EXOC4: variants seen among roughly 807,000 people sequenced by gnomAD.
EXOC4 encodes the protein exocyst complex component 4.
Under a neutral mutation model 107.2 loss-of-function variants are expected in EXOC4, and 71 were observed. The ratio of observed to expected loss-of-function variants is 0.66; its 90% CI spans 0.55 to 0.81. The LOEUF (loss-of-function observed/expected upper bound fraction) is 0.81, where lower values mean the gene tolerates loss of function less well. Ranked by LOEUF, EXOC4 falls within the 30% of genes least tolerant of loss-of-function variation. The probability of loss-of-function intolerance (pLI) is 0.00; values close to 1 mark genes in which losing one functional copy is unlikely to be tolerated. For missense variants in EXOC4, 1,108 were observed against 1,189.6 expected (o/e 0.93, Z 1.01); for synonymous variants, 456 against 441.2 (o/e 1.03, Z -0.42).
intron 5 of EXOC4, among the ~76,000 whole-genome samples, chr7:133,350,353 G>A (rs977507239): frequency 6.6e-6 from 1 of 151,974 alleles, no homozygotes; most frequent in Non-Finnish European, 1.5e-5. Flanking sequence ...TTTTGTATAT[G>A]GTGTTAGATA....
At chr7:133,341,283 G>A (rs957177986) in intron 5 of EXOC4, among the ~76,000 whole-genome samples, 1 of 152,102 alleles carries the variant, frequency 6.6e-6, no homozygotes, top group African/African-American at 2.4e-5. Context: ...TGATTTCCTT[G>A]TTGATGCAAA....
At chr7:133,789,124 T>G (rs1796650943) in intron 10 of EXOC4, among the ~76,000 whole-genome samples, 1 of 152,130 alleles carries the variant, frequency 6.6e-6, no homozygotes, top group South Asian at 2.1e-4. Flanking sequence ...CAGGGTAGAT[T>G]ATGGCACTTC....
chr7:133,375,105 C>A, intron 7 of EXOC4, 103 bp downstream of exon 7: 1 of 869,202 alleles, frequency 1.2e-6, no homozygotes, highest in Non-Finnish European at 1.7e-6. Context: ...TCTTAAGAGT[C>A]ATAAACAGGG....
At chr7:134,075,176 A>G in the EXOC4 span, among the ~76,000 whole-genome samples, 10 of 152,352 alleles carry the variant, frequency 6.6e-5, no homozygotes, top group Admixed American at 4.6e-4. Flanking sequence ...CAGCAGATAC[A>G]TGGGATCTTT....
intron 13 of EXOC4, among the ~76,000 whole-genome samples, chr7:133,929,427 T>TA (rs1800125939): frequency 1.3e-5 from 2 of 152,112 alleles, no homozygotes; most frequent in South Asian, 4.1e-4. Flanking sequence ...ACTGCTCTGA[T>TA]AGTTACCTAC....
chr7:133,720,929 A>T (rs1287848134), intron 10 of EXOC4, among the ~76,000 whole-genome samples: 2 of 152,174 alleles, frequency 1.3e-5, no homozygotes, highest in African/African-American at 4.8e-5. Context: ...AGGTTATAAT[A>T]TAGGAGCCTT....
chr7:133,979,142 T>A (rs1793911398), intron 14 of EXOC4, among the ~76,000 whole-genome samples: 1 of 152,220 alleles, frequency 6.6e-6, no homozygotes, highest in Non-Finnish European at 1.5e-5. Flanking sequence ...TTTGTCAGTG[T>A]TTTTATGTAT....
Position 133,728,343 on chromosome 7 carries a change from G to T in EXOC4, c.1515-88982G>T, listed in dbSNP as rs183550289. On this transcript the variant is annotated intron_variant, in intron 10 of 17. Transcript: ENST00000253861. Reference sequence around the variant, plus strand: ...GAAAGGATTATTTCTGTGACACTATGTACTGGGGAAATTTTTATTGAGACT... The same window carrying T: ...GAAAGGATTATTTCTGTGACACTATTTACTGGGGAAATTTTTATTGAGACT... 1.5e-4 allele frequency among the ~76,000 whole-genome samples: 23 copies of T among 152,272 alleles called. No homozygotes were observed. The East Asian group carries it at 4.2e-3, about 28-fold the overall frequency.
chr7:133,997,526 G>A lies in EXOC4; in HGVS notation c.2241G>A (p.Thr747=), dbSNP rs376626552. ...LSPAQDSHTN[T]DLPPVSEQIM... Reference sequence around the variant, plus strand: ...CTGCTCAAGACAGCCACACGAACACGGATCTCCCCCCAGTGTCAGAGCAGA... The same window carrying A: ...CTGCTCAAGACAGCCACACGAACACAGATCTCCCCCCAGTGTCAGAGCAGA... Residue 747 remains threonine (T), a synonymous_variant, in exon 15 of 18, where the codon ACG becomes ACA. Transcript: ENST00000253861. The A allele has an allele frequency of 1.1e-5, 18 of 1,613,648 alleles. No homozygotes were observed. Among genetic ancestry groups the A allele is most frequent in the East Asian group, 2.2e-5 (1 of 44,852 alleles).
intron 11 of EXOC4, among the ~76,000 whole-genome samples, chr7:133,874,130 T>C (rs1428781192): frequency 3.9e-5 from 6 of 152,146 alleles, no homozygotes; most frequent in Admixed American, 2.0e-4. Context: ...GCTGGAGATA[T>C]CACCATGGTT....
intron 10 of EXOC4, among the ~76,000 whole-genome samples, chr7:133,772,667 C>T (rs1360549837): frequency 6.6e-6 from 1 of 152,042 alleles, no homozygotes; most frequent in Non-Finnish European, 1.5e-5. Flanking sequence ...GAGGTAGAAA[C>T]CATGTTGAAA....
chr7:134,058,342 G>A (rs974786865), intron 17 of EXOC4, among the ~76,000 whole-genome samples: 2 of 152,136 alleles, frequency 1.3e-5, no homozygotes, highest in Non-Finnish European at 2.9e-5. Flanking sequence ...GACTACAAGA[G>A]AAAGTCTTTA....
intron 12 of EXOC4, among the ~76,000 whole-genome samples, chr7:133,908,724 C>T (rs1799623134): frequency 6.6e-6 from 1 of 152,110 alleles, no homozygotes; most frequent in Non-Finnish European, 1.5e-5. Flanking sequence ...AAATTGTCAG[C>T]CAATACAATT....
At position 133,846,053 on chromosome 7, in the gene EXOC4, C is replaced by CA. The variant is rs201221051; in HGVS notation, c.1734+28517dup. Among the ~76,000 whole-genome samples, 366 of 151,580 alleles carry CA rather than the reference C, an allele frequency of 2.4e-3. 5 individuals are homozygous for CA. Among genetic ancestry groups the CA allele is most frequent in the African/African-American group, 8.3e-3 (342 of 41,322 alleles). On this transcript the variant is annotated intron_variant, in intron 11 of 17. Transcript: ENST00000253861. ...ACACACACGAGAACTTTATACCCCC[C>CA]AAAAAAAAGTTAAACGTCACACTTA...
intron 11 of EXOC4, among the ~76,000 whole-genome samples, chr7:133,878,574 G>A (rs571210309): frequency 2.6e-5 from 4 of 152,300 alleles, no homozygotes; most frequent in Non-Finnish European, 5.9e-5. Context: ...GGCCAAGCTC[G>A]ACCCCTGGAT....
chr7:133,612,857 A>C (rs1802101900), intron 9 of EXOC4, among the ~76,000 whole-genome samples: 1 of 152,206 alleles, frequency 6.6e-6, no homozygotes, highest in Non-Finnish European at 1.5e-5. Flanking sequence ...GACATGAACA[A>C]CTAAAGGTGG....
At chr7:133,581,650 C>T (rs1801275250) in intron 9 of EXOC4, among the ~76,000 whole-genome samples, 2 of 148,960 alleles carry the variant, frequency 1.3e-5, no homozygotes, top group South Asian at 2.1e-4. Context: ...CCCAGCTACT[C>T]GGGAGGCTGA....
chr7:133,682,488 C>T (rs1794208909), intron 10 of EXOC4, among the ~76,000 whole-genome samples: 1 of 152,298 alleles, frequency 6.6e-6, no homozygotes, highest in Non-Finnish European at 1.5e-5. Context: ...TGAGGCCTCC[C>T]CAGCCATGTG....
intron 10 of EXOC4, among the ~76,000 whole-genome samples, chr7:133,674,004 C>G (rs954346573): frequency 2.0e-5 from 3 of 152,124 alleles, no homozygotes; most frequent in African/African-American, 7.2e-5. Flanking sequence ...ATTCTTAAGA[C>G]CTACTGTGAC....
Sources: gnomAD v4.1 joint callset for allele counts (sites outside exome capture counted in the v4.1 genomes callset) on GRCh38, gnomAD v4.1.1 for gene constraint, MANE v1.5 for transcripts, NCBI Gene and HGNC (gene_info 2026-07-23, HGNC 2026-07-21) for gene names.